The following FNDC3B variants were observed in gnomAD, a reference collection of about 807,000 sequenced individuals.
The protein encoded by FNDC3B is fibronectin type III domain containing 3B.
FNDC3B carries 12 observed loss-of-function variants against 151.5 expected under a neutral mutation model. The ratio of observed to expected loss-of-function variants is 0.08; its 90% confidence interval spans 0.05 to 0.13. The LOEUF (loss-of-function observed/expected upper bound fraction) is 0.13. FNDC3B is among the 10% of genes least tolerant of loss of function. The probability of loss-of-function intolerance (pLI) is 1.00; values close to 1 mark genes in which losing one functional copy is unlikely to be tolerated. For missense variants in FNDC3B, 1,214 were observed against 1,505.3 expected, an observed-to-expected ratio of 0.81 and a Z score of 3.20; for synonymous variants, 528 against 549.0, an observed-to-expected ratio of 0.96 and a Z score of 0.54.
chr3:172,211,607 G>T (rs1725734562), intron 3 of FNDC3B, among the ~76,000 whole-genome samples: 1 of 152,204 alleles, frequency 6.6e-6, no homozygotes, highest in African/African-American at 2.4e-5. Context: ...TAGAAGAGGA[G>T]GGCTGATGGG....
intron 1 of FNDC3B, among the ~76,000 whole-genome samples, chr3:172,077,273 T>A (rs1002113870): frequency 1.3e-5 from 2 of 152,242 alleles, no homozygotes; most frequent in Non-Finnish European, 2.9e-5. Context: ...AGTCTGATTT[T>A]TTTTCCTTCT....
chr3:172,292,978 T>C (rs1730419340), intron 7 of FNDC3B, among the ~76,000 whole-genome samples: 1 of 152,170 alleles, frequency 6.6e-6, no homozygotes, highest in Non-Finnish European at 1.5e-5. Flanking sequence ...AATCTGACAG[T>C]GCAGACGGTA....
chr3:172,188,946 A>G (rs1448395669), intron 3 of FNDC3B, among the ~76,000 whole-genome samples: 1 of 152,118 alleles, frequency 6.6e-6, no homozygotes, highest in African/African-American at 2.4e-5. Context: ...TTTGTTCACT[A>G]TTGTTTTATC....
intron 12 of FNDC3B, 76 bp from the exon 13 acceptor site, chr3:172,330,465 G>A: frequency 7.4e-7 from 1 of 1,347,202 alleles, no homozygotes; most frequent in African/African-American, 1.4e-5. Flanking sequence ...TAGTGTGCAG[G>A]CTGAGCCTTC....
intron 1 of FNDC3B, among the ~76,000 whole-genome samples, chr3:172,070,538 G>A (rs952066341): frequency 3.3e-5 from 5 of 152,190 alleles, no homozygotes; most frequent in East Asian, 1.9e-4. Flanking sequence ...AGTGGCTGAC[G>A]AGGGGAGAAG....
intron 4 of FNDC3B, among the ~76,000 whole-genome samples, chr3:172,230,851 G>C (rs748271888): frequency 7.9e-5 from 12 of 152,206 alleles, no homozygotes; most frequent in Non-Finnish European, 1.5e-4. Flanking sequence ...GGAATACACT[G>C]TATGTGTTAA....
In FNDC3B at chr3:172,247,537, T is replaced by C. The variant is rs1259238214; in HGVS notation, c.269T>C (p.Ile90Thr). The C allele has an allele frequency of 1.2e-6, 2 of 1,613,846 alleles. No homozygotes were observed. The highest frequency in any genetic ancestry group is 1.3e-5 in the African/African-American group (1 of 75,046). The change falls in exon 5 of 26, where the codon ATT (isoleucine) becomes ACT (threonine). Residue 90 changes from isoleucine to threonine, a missense_variant. Coordinates refer to ENST00000415807, the MANE Select transcript of FNDC3B (RefSeq NM_022763.4). ...TCCTTTTGTGTTTTTCTTTAGGTGA[T>C]TGAAGATAGTACTGGAGTCCGCCGG... ...HVPPGYISQV[I>T]EDSTGVRRVV...
intron 3 of FNDC3B, among the ~76,000 whole-genome samples, chr3:172,196,359 T>G (rs947456285): frequency 6.6e-6 from 1 of 151,924 alleles, no homozygotes; most frequent in Non-Finnish European, 1.5e-5. Context: ...CAGCTAATTT[T>G]TTTTTTTGTA....
chr3:172,080,554 A>T (rs141854854), intron 1 of FNDC3B, among the ~76,000 whole-genome samples: 15 of 152,062 alleles, frequency 9.9e-5, no homozygotes, highest in Non-Finnish European at 1.8e-4. Context: ...TTGGGATTAC[A>T]GGTGTGAGGC....
intron 3 of FNDC3B, among the ~76,000 whole-genome samples, chr3:172,162,063 G>A (rs547022347): frequency 4.7e-5 from 7 of 148,698 alleles, no homozygotes; most frequent in East Asian, 2.0e-4. Context: ...TGCAACCTCC[G>A]CCTCCCAGAT....
At chr3:172,055,837 G>A (rs556514538) in intron 1 of FNDC3B, among the ~76,000 whole-genome samples, 1 of 151,880 alleles carries the variant, frequency 6.6e-6, no homozygotes, top group African/African-American at 2.4e-5. Flanking sequence ...CTGGAGTGCA[G>A]TGGTGCGATC....
At chr3:172,050,906 G>A (rs1483209628) in intron 1 of FNDC3B, among the ~76,000 whole-genome samples, 1 of 151,910 alleles carries the variant, frequency 6.6e-6, no homozygotes, top group African/African-American at 2.4e-5. Flanking sequence ...ATATCAAAAG[G>A]TATTGAGAGT....
At chr3:172,357,688 C>T (rs1025225072) in intron 22 of FNDC3B, among the ~76,000 whole-genome samples, 2 of 152,096 alleles carry the variant, frequency 1.3e-5, no homozygotes, top group Admixed American at 1.3e-4. Context: ...TAATATTTTC[C>T]CCAGAATGCA....
chr3:172,332,998 A>T, intron 13 of FNDC3B, 91 bp from the exon 14 acceptor site: 1 of 826,510 alleles, frequency 1.2e-6, no homozygotes, highest in Non-Finnish European at 2.1e-6. Flanking sequence ...TGGTGATGGT[A>T]GGGAAAGGCA....
intron 4 of FNDC3B, among the ~76,000 whole-genome samples, chr3:172,227,480 G>T (rs1726651365): frequency 6.6e-6 from 1 of 152,174 alleles, no homozygotes; most frequent in African/African-American, 2.4e-5. Context: ...TAAAATGATG[G>T]TAATAGCAAT....
At chr3:172,390,456 G>C (rs943825716) in intron 25 of FNDC3B, among the ~76,000 whole-genome samples, 1 of 151,628 alleles carries the variant, frequency 6.6e-6, no homozygotes, top group African/African-American at 2.4e-5. Context: ...AAGTTGGGAA[G>C]TTTTGTTAAA....
intron 1 of FNDC3B, among the ~76,000 whole-genome samples, chr3:172,081,262 T>A (rs1389470251): frequency 1.3e-5 from 2 of 152,184 alleles, no homozygotes. Flanking sequence ...TCTGTAATCA[T>A]CACTGTTTTC....
intron 6 of FNDC3B, among the ~76,000 whole-genome samples, chr3:172,278,308 G>A (rs1245921762): frequency 6.6e-6 from 1 of 151,852 alleles, no homozygotes; most frequent in African/African-American, 2.4e-5. Context: ...AACGTTTGTA[G>A]ACTCCCATGC....
Position 172,040,804 on chromosome 3 carries a change from G to C in FNDC3B, c.-29+1033G>C, listed in dbSNP as rs916711065. Among the ~76,000 whole-genome samples, 1 of 152,044 alleles carries C rather than the reference G, an allele frequency of 6.6e-6. No individual in the cohort carries two copies. Among genetic ancestry groups the C allele is most frequent in the Non-Finnish European group, 1.5e-5 (1 of 67,940 alleles). ...GAAAGTGGGGCCTCGGGCTGTGCCC[G>C]CGAACTTTCCCAGAGGTCCGGGTCC... On this transcript the variant is annotated intron_variant, in intron 1 of 25. Coordinates refer to ENST00000415807, the MANE Select transcript of FNDC3B (RefSeq NM_022763.4). The surrounding 1 kb of genome is among the most constrained non-coding windows in gnomAD (Gnocchi z 6.6).
Sources: gnomAD v4.1 joint callset for allele counts (sites outside exome capture counted in the v4.1 genomes callset) on GRCh38, gnomAD v4.1.1 for gene constraint, Gnocchi (gnomAD v3.1) non-coding constraint, MANE v1.5 for transcripts, NCBI Gene and HGNC (gene_info 2026-07-23, HGNC 2026-07-21) for gene names.